DBNL: variants seen among roughly 807,000 people sequenced by gnomAD.
The protein encoded by DBNL is drebrin like, also known as drebrin-like protein.
A neutral mutation model predicts 62.2 loss-of-function variants in DBNL; 35 were observed. The observed-to-expected ratio is 0.56, with a 90% CI of 0.43 to 0.75. The LOEUF (loss-of-function observed/expected upper bound fraction) is 0.75. DBNL is among the 30% of genes least tolerant of loss of function. DBNL has a pLI of 0.00. For synonymous variants in DBNL, 197 were observed against 218.0 expected (o/e 0.90, Z 0.85); for missense variants, 495 against 578.4 (o/e 0.86, Z 1.48).
chr7:44,063,290 TTTC>T lies in DBNL; in HGVS notation c.*2377_*2379del. On this transcript the variant is annotated 3_prime_UTR_variant, in exon 13 of 13. Transcript: ENST00000448521. The stretch of plus-strand genomic sequence containing the variant: ...TTTTTTTTTTTCTTTTCTTTTTCTT[TTTC>T]TTTTTTTTGAGATGGAGTTTTACTC... 3.1e-6 allele frequency: 1 copy of T among 322,062 alleles called. No individual in the cohort carries two copies. The highest frequency in any genetic ancestry group is 2.8e-5 in the South Asian group (1 of 35,540). The allele number at this position is 322,062 out of a possible 1,614,324, so 20.0% of individuals were successfully genotyped here. A position where few individuals can be genotyped will look rare whatever the true frequency, so the allele number is the denominator to read the frequency against.
At chr7:44,052,826 TG>T in intron 3 of DBNL, 40 bp from the exon 4 acceptor site, 1 of 1,611,668 alleles carries the variant, frequency 6.2e-7, no homozygotes, top group South Asian at 1.1e-5. Context: ...GAAGTGGCTT[TG>T]GGGGAGGCCT....
At position 44,050,284 on chromosome 7, in the gene DBNL, A is replaced by G; in HGVS notation, c.139+4A>G. ...ATCCGCGTGGCTGGCACAGGGGGTG[A>G]GTATGACTCCAAATGGACTCAGGGA... On this transcript the variant is annotated splice_donor_region_variant and intron_variant, in intron 2 of 12. Transcript: ENST00000448521. 6.2e-7 allele frequency: 1 copy of G among 1,613,606 alleles called. No individual in the cohort carries two copies.
At chr7:44,058,766 C>A in intron 8 of DBNL, 136 bp from the exon 9 acceptor site, 1 of 986,810 alleles carries the variant, frequency 1.0e-6, no homozygotes. Context: ...GACTTCTCTC[C>A]TGAGAACATG....
At position 44,064,750 on chromosome 7, in the gene DBNL, G is replaced by A; in HGVS notation, c.*3834G>A. 1 of 1,238,544 alleles carries A rather than the reference G, an allele frequency of 8.1e-7. No individual in the cohort carries two copies. Among genetic ancestry groups the A allele is most frequent in the Non-Finnish European group, 1.1e-6 (1 of 876,338 alleles). The allele number at this position is 1,238,544 out of a possible 1,614,324, so 76.7% of individuals were successfully genotyped here. A position where few individuals can be genotyped will look rare whatever the true frequency, so the allele number is the denominator to read the frequency against. The stretch of plus-strand genomic sequence containing the variant: ...CCCACGCCTAGAAAGCCTGGTCCAT[G>A]GGCGAGAGACTTTGCTGAGATGAGA... On this transcript the variant is annotated 3_prime_UTR_variant, in exon 13 of 13. Coordinates refer to ENST00000448521, the MANE Select transcript of DBNL (RefSeq NM_001014436.3).
chr7:44,058,312 C>A (rs1562655694), intron 7 of DBNL, 32 bp downstream of exon 7: 2 of 1,580,818 alleles, frequency 1.3e-6, no homozygotes, highest in Admixed American at 3.5e-5. Flanking sequence ...GCCTGGGGGA[C>A]CCACCCTGAG....
At position 44,059,749 on chromosome 7, in the gene DBNL, A is replaced by C; in HGVS notation, c.1047+91A>C. 1 of 1,263,156 alleles carries C rather than the reference A, an allele frequency of 7.9e-7. No homozygotes were observed. The highest frequency in any genetic ancestry group is 2.5e-5 in the East Asian group (1 of 39,458). 78.2% of individuals were successfully genotyped at this position (1,263,156 alleles called of 1,614,324 possible). ...CGCCTGAGTTTTCTGGGGGCATGCA[A>C]CAGGTTTTAAAGCACATGCATTTTT... On this transcript the variant is annotated intron_variant, in intron 11 of 12. Coordinates refer to ENST00000448521, the MANE Select transcript of DBNL (RefSeq NM_001014436.3). The surrounding 1 kb of genome is among the most constrained non-coding windows in gnomAD (Gnocchi z 4.1).
In DBNL at chr7:44,060,259, G is replaced by A. The variant is rs2096146137; in HGVS notation, c.1153+106G>A. 2 of 1,039,844 alleles carry A rather than the reference G, an allele frequency of 1.9e-6. No homozygotes were observed. Among genetic ancestry groups the A allele is most frequent in the African/African-American group, 1.6e-5 (1 of 62,958 alleles). 64.4% of individuals were successfully genotyped at this position (1,039,844 alleles called of 1,614,324 possible). On this transcript the variant is annotated intron_variant, in intron 12 of 12. Transcript: ENST00000448521. The surrounding 1 kb of genome is among the most constrained non-coding windows in gnomAD (Gnocchi z 6.3). The stretch of plus-strand genomic sequence containing the variant: ...ATGGCACCAGGGGGTATCAGGAAGA[G>A]AAGACAGGAGGGTGGGCGGTGCGTT...
chr7:44,059,303 G>A lies in DBNL; in HGVS notation c.836-51G>A. The A allele has an allele frequency of 6.3e-7, 1 of 1,578,884 alleles. No individual in the cohort carries two copies. The highest frequency in any genetic ancestry group is 1.7e-5 in the Admixed American group (1 of 59,054). ...GGTGGAGGGTGCTGTGGGGTGCGTG[G>A]GTGTGTGGTGGTGTTTCTGAAGTGA... On this transcript the variant is annotated intron_variant, in intron 9 of 12. Coordinates refer to ENST00000448521, the MANE Select transcript of DBNL (RefSeq NM_001014436.3). This position sits in a 1 kb window ranked among gnomAD's most constrained non-coding sequence, Gnocchi z 4.1.
In DBNL at chr7:44,064,912, A is replaced by C. The variant is rs370003298; in HGVS notation, c.*3996A>C. On this transcript the variant is annotated 3_prime_UTR_variant, in exon 13 of 13. Coordinates refer to ENST00000448521, the MANE Select transcript of DBNL (RefSeq NM_001014436.3). ...TCGCTTGCCGGCCTTGATCTGGGGA[A>C]CAATCTCCTCGTTCCAGAAGGGCAG... 45 of 1,611,292 alleles carry C rather than the reference A, an allele frequency of 2.8e-5. No homozygotes were observed. Among genetic ancestry groups the C allele is most frequent in the Non-Finnish European group, 3.6e-5 (43 of 1,179,710 alleles).
intron 3 of DBNL, 101 bp from the exon 4 acceptor site, chr7:44,052,766 A>G: frequency 7.2e-7 from 1 of 1,396,740 alleles, no homozygotes; most frequent in Non-Finnish European, 9.9e-7. Context: ...TGGGGGTTGC[A>G]GTTTTCTCTT....
At chr7:44,051,967 G>T (rs373837478) in intron 3 of DBNL, 25 bp downstream of exon 3, 2 of 1,603,986 alleles carry the variant, frequency 1.2e-6, no homozygotes, top group Non-Finnish European at 1.7e-6. Flanking sequence ...TTTCATCTAG[G>T]TGTGACCCAG....
intron 2 of DBNL, chr7:44,051,162 T>C (rs184607205): frequency 3.9e-5 from 6 of 152,582 alleles, no homozygotes; most frequent in Admixed American, 3.3e-4. Flanking sequence ...CCTCCACTCA[T>C]ACGGAGCCCT....
chr7:44,048,260 C>T (rs1435689120), intron 1 of DBNL, among the ~76,000 whole-genome samples: 2 of 152,214 alleles, frequency 1.3e-5, no homozygotes, highest in Admixed American at 6.5e-5. Flanking sequence ...TCTTCTGTTA[C>T]CTGCTGCTTG....
chr7:44,059,103 G>A lies in DBNL; in HGVS notation c.835+120G>A. 9.0e-7 allele frequency: 1 copy of A among 1,105,058 alleles called. No individual in the cohort carries two copies. Among genetic ancestry groups the A allele is most frequent in the Non-Finnish European group, 1.3e-6 (1 of 762,510 alleles). The allele number at this position is 1,105,058 out of a possible 1,614,324, so 68.5% of individuals were successfully genotyped here. On this transcript the variant is annotated intron_variant, in intron 9 of 12. Transcript: ENST00000448521. The surrounding 1 kb of genome is among the most constrained non-coding windows in gnomAD (Gnocchi z 4.1). The stretch of plus-strand genomic sequence containing the variant: ...TATCGGTGACGGGTGAGTGAGTGAG[G>A]AGAAGGGACACCTGGGGCCATTGAC...
chr7:44,062,692 G>A lies in DBNL; in HGVS notation c.*1776G>A, dbSNP rs781521976. ...GAGTCCCCACAGCTGATGGCGGTGTGAGCCTGGCATGCACGGCTGCGCTGG... is the reference window on the plus strand; with the variant it reads ...GAGTCCCCACAGCTGATGGCGGTGTAAGCCTGGCATGCACGGCTGCGCTGG... On this transcript the variant is annotated 3_prime_UTR_variant, in exon 13 of 13. Transcript: ENST00000448521. 58 of 1,521,066 alleles carry A rather than the reference G, an allele frequency of 3.8e-5. No individual in the cohort carries two copies. Among genetic ancestry groups the A allele is most frequent in the Non-Finnish European group, 5.1e-5 (56 of 1,103,986 alleles). The allele number at this position is 1,521,066 out of a possible 1,614,324, so 94.2% of individuals were successfully genotyped here.
intron 1 of DBNL, among the ~76,000 whole-genome samples, chr7:44,045,490 CCAAGATATCCT>C (rs2096115619): frequency 1.3e-5 from 2 of 152,244 alleles, no homozygotes; most frequent in South Asian, 2.1e-4. Context: ...CCTCTACCAC[CCAAGATATCCT>C]CACTTTCCTC....
chr7:44,062,391 A>G lies in DBNL; in HGVS notation c.*1475A>G, dbSNP rs996611514. ...ACCTGCCCTCTGCAGGAAGCTGTCC[A>G]GGAAGCCGTGTCCTGGGCTGTGGTC... On this transcript the variant is annotated 3_prime_UTR_variant, in exon 13 of 13. Coordinates refer to ENST00000448521, the MANE Select transcript of DBNL (RefSeq NM_001014436.3). 2.2e-5 allele frequency: 7 copies of G among 317,560 alleles called. No individual in the cohort carries two copies. In the East Asian group the frequency reaches 3.2e-4, roughly 14 times the overall value. The allele number at this position is 317,560 out of a possible 1,614,324, so 19.7% of individuals were successfully genotyped here. A position where few individuals can be genotyped will look rare whatever the true frequency, so the allele number is the denominator to read the frequency against.
intron 8 of DBNL, 167 bp from the exon 9 acceptor site, chr7:44,058,735 C>T (rs541539651): frequency 1.3e-5 from 11 of 862,964 alleles, no homozygotes; most frequent in East Asian, 2.7e-5. Flanking sequence ...CCTTTTTTAA[C>T]GTTACTTTTT....
chr7:44,051,875 T>G lies in DBNL; in HGVS notation c.185T>G (p.Val62Gly), dbSNP rs756733170. 2 of 1,613,970 alleles carry G rather than the reference T, an allele frequency of 1.2e-6. No homozygotes were observed. The highest frequency in any genetic ancestry group is 8.5e-7 in the Non-Finnish European group (1 of 1,179,992). The change falls in exon 3 of 13, where the codon GTG (valine) becomes GGG (glycine). Residue 62 changes from valine (V) to glycine (G), a missense_variant. Val to Gly is a moderately radical substitution (Grantham distance 109). Transcript: ENST00000448521. ...GTGGAGGAGCTCAACAGCGGGAAGG[T>G]GATGTACGCCTTCTGCAGAGTGAAG... The part of the protein sequence containing the change: ...EMVEELNSGK[V>G]MYAFCRVKDP...
Sources: gnomAD v4.1 joint callset for allele counts (sites outside exome capture counted in the v4.1 genomes callset) on GRCh38, gnomAD v4.1.1 for gene constraint, Gnocchi (gnomAD v3.1) non-coding constraint, MANE v1.5 for transcripts, NCBI Gene and HGNC (gene_info 2026-07-23, HGNC 2026-07-21) for gene names.